The following PPM1A variants were observed in gnomAD, a reference collection of about 807,000 sequenced individuals.
PPM1A encodes protein phosphatase 1A.
In PPM1A, 7 loss-of-function variants were observed where a neutral mutation model predicts 35.0. That is an observed-to-expected ratio of 0.20 (90% CI 0.11 to 0.38). The LOEUF (loss-of-function observed/expected upper bound fraction) is 0.38. Ranked by LOEUF, PPM1A falls within the 10% of genes least tolerant of loss-of-function variation. The pLI is 1.00. For missense variants in PPM1A, 239 were observed against 467.8 expected (o/e 0.51, Z 4.51); for synonymous variants, 153 against 167.3 (o/e 0.91, Z 0.66).
chr14:60,273,917 C>G lies in PPM1A; in HGVS notation c.-20-8767C>G, dbSNP rs1349878088. On this transcript the variant is annotated intron_variant, in intron 1 of 5. Coordinates refer to ENST00000395076, the MANE Select transcript of PPM1A (RefSeq NM_021003.5). The surrounding 1 kb of genome is among the most constrained non-coding windows in gnomAD (Gnocchi z 4.3). ...CCTGGATTCAAGCAATCTTACCGCC[C>G]CAGCCTCCAAGCAGTTGGGACTACA... 6.6e-6 allele frequency among the ~76,000 whole-genome samples: 1 copy of G among 152,192 alleles called. No individual in the cohort carries two copies. Among genetic ancestry groups the G allele is most frequent in the South Asian group, 2.1e-4 (1 of 4,822 alleles).
intron 1 of PPM1A, among the ~76,000 whole-genome samples, chr14:60,261,640 G>A (rs904805404): frequency 5.3e-5 from 8 of 152,102 alleles, no homozygotes; most frequent in East Asian, 1.9e-4. Flanking sequence ...CACCATCCCC[G>A]TCAGGTCCAA....
Position 60,282,606 on chromosome 14 carries a change from C to G in PPM1A, c.-20-78C>G. 2 of 1,505,308 alleles carry G rather than the reference C, an allele frequency of 1.3e-6. No homozygotes were observed. Among genetic ancestry groups the G allele is most frequent in the East Asian group, 2.3e-5 (1 of 43,978 alleles). The allele number at this position is 1,505,308 out of a possible 1,614,324, so 93.2% of individuals were successfully genotyped here. ...GTTGTGAATTCCCGCATATCTCTTT[C>G]ACTTATTAAAAAGATTGTTTGGTAC... On this transcript the variant is annotated intron_variant, in intron 1 of 5. Coordinates refer to ENST00000395076, the MANE Select transcript of PPM1A (RefSeq NM_021003.5). This position sits in a 1 kb window ranked among gnomAD's most constrained non-coding sequence, Gnocchi z 5.1.
At position 60,249,496 on chromosome 14, in the gene PPM1A, G is replaced by A. The variant is rs1259638861; in HGVS notation, c.-202G>A. 2 of 984,970 alleles carry A rather than the reference G, an allele frequency of 2.0e-6. No individual in the cohort carries two copies. Among genetic ancestry groups the A allele is most frequent in the African/African-American group, 1.8e-5 (1 of 57,102 alleles). 61.0% of individuals were successfully genotyped at this position (984,970 alleles called of 1,614,324 possible). A position where few individuals can be genotyped will look rare whatever the true frequency, so the allele number is the denominator to read the frequency against. ...CTGAGCCGCGAGGGCGCCGACAGCC[G>A]GGGGCCCGGACGCAGCCCGGCTCCT... On this transcript the variant is annotated 5_prime_UTR_variant, in exon 1 of 6. Coordinates refer to ENST00000395076, the MANE Select transcript of PPM1A (RefSeq NM_021003.5). The surrounding 1 kb of genome is among the most constrained non-coding windows in gnomAD (Gnocchi z 4.5).
chr14:60,250,679 T>C (rs1882291148), intron 1 of PPM1A, among the ~76,000 whole-genome samples: 1 of 152,186 alleles, frequency 6.6e-6, no homozygotes, highest in Admixed American at 6.5e-5. Flanking sequence ...AGGAAATGAT[T>C]TTGACATTAT....
At position 60,289,771 on chromosome 14, in the gene PPM1A, A is replaced by C; in HGVS notation, c.953-35A>C. 7.2e-7 allele frequency: 1 copy of C among 1,393,240 alleles called. No individual in the cohort carries two copies. Among genetic ancestry groups the C allele is most frequent in the Non-Finnish European group, 1.0e-6 (1 of 989,198 alleles). The allele number at this position is 1,393,240 out of a possible 1,614,324, so 86.3% of individuals were successfully genotyped here. A position where few individuals can be genotyped will look rare whatever the true frequency, so the allele number is the denominator to read the frequency against. On this transcript the variant is annotated intron_variant, in intron 3 of 5. Coordinates refer to ENST00000395076, the MANE Select transcript of PPM1A (RefSeq NM_021003.5). The surrounding 1 kb of genome is among the most constrained non-coding windows in gnomAD (Gnocchi z 4.1). ...CGGTTTTCTTTTCAATTAAATTTGG[A>C]TAACACTTACAAAAAAAGTACTTCT...
intron 1 of PPM1A, chr14:60,250,527 A>G: frequency 2.8e-6 from 2 of 707,946 alleles, no homozygotes; most frequent in Non-Finnish European, 3.5e-6. Context: ...AAATCCACAA[A>G]AGTCATGCTT....
chr14:60,273,132 G>A lies in PPM1A; in HGVS notation c.-20-9552G>A, dbSNP rs1254991239. Among the ~76,000 whole-genome samples, 2 of 152,020 alleles carry A rather than the reference G, an allele frequency of 1.3e-5. No homozygotes were observed. The highest frequency in any genetic ancestry group is 2.9e-5 in the Non-Finnish European group (2 of 68,002). On this transcript the variant is annotated intron_variant, in intron 1 of 5. Coordinates refer to ENST00000395076, the MANE Select transcript of PPM1A (RefSeq NM_021003.5). This position sits in a 1 kb window ranked among gnomAD's most constrained non-coding sequence, Gnocchi z 4.3. ...TTATATGCATATTTACTTTTTGGGTGCACTCTCCTTGTTAATGAGTTATTT... is the reference window on the plus strand; with the variant it reads ...TTATATGCATATTTACTTTTTGGGTACACTCTCCTTGTTAATGAGTTATTT...
rs1267256178 is a variant in PPM1A, at chr14:60,276,806, C to G, written c.-20-5878C>G. ...TCACTATAATTCTGAGTGGATTAAA[C>G]CAAATGACCGGGTTCAAGACTCTAC... On this transcript the variant is annotated intron_variant, in intron 1 of 5. Coordinates refer to ENST00000395076, the MANE Select transcript of PPM1A (RefSeq NM_021003.5). 4.6e-5 allele frequency among the ~76,000 whole-genome samples: 7 copies of G among 152,230 alleles called. No individual in the cohort carries two copies. The South Asian group carries it at 6.2e-4, about 14-fold the overall frequency.
At chr14:60,284,596 C>T (rs922516352) in intron 2 of PPM1A, among the ~76,000 whole-genome samples, 8 of 148,968 alleles carry the variant, frequency 5.4e-5, no homozygotes, top group South Asian at 2.1e-4. Context: ...GAGCCGAGAT[C>T]GCGCCACTGC....
At chr14:60,285,917 A>G in intron 3 of PPM1A, 176 bp downstream of exon 3, 2 of 1,321,766 alleles carry the variant, frequency 1.5e-6, no homozygotes, top group Non-Finnish European at 1.9e-6. Context: ...TTGTCCTATC[A>G]CAGTTATATT....
At position 60,295,102 on chromosome 14, in the gene PPM1A, T is replaced by C. The variant is rs1253451924; in HGVS notation, c.*2620T>C. ...CCTCAAAAATGTTTGATGTGTTCTGTTCTTTGGAGGGAAAAAGTTCTTATG... is the reference window on the plus strand; with the variant it reads ...CCTCAAAAATGTTTGATGTGTTCTGCTCTTTGGAGGGAAAAAGTTCTTATG... On this transcript the variant is annotated 3_prime_UTR_variant, in exon 6 of 6. Transcript: ENST00000395076. The C allele has an allele frequency of 6.6e-6, 1 of 151,744 alleles. No individual in the cohort carries two copies. Among genetic ancestry groups the C allele is most frequent in the East Asian group, 1.9e-4 (1 of 5,194 alleles). The allele number at this position is 151,744 out of a possible 1,614,324, so 9.4% of individuals were successfully genotyped here.
intron 1 of PPM1A, among the ~76,000 whole-genome samples, chr14:60,253,226 T>C (rs7157442): frequency 0.48 from 73,233 of 151,958 alleles, 21,828 homozygotes; most frequent in African/African-American, 0.85. Flanking sequence ...GGATTAAAAG[T>C]GATTAGTTTC....
intron 1 of PPM1A, among the ~76,000 whole-genome samples, chr14:60,250,106 C>T (rs1882199554): frequency 6.6e-6 from 1 of 151,804 alleles, no homozygotes. Flanking sequence ...TGGGCTTCAG[C>T]CCCTGGGAGG....
intron 1 of PPM1A, among the ~76,000 whole-genome samples, chr14:60,276,501 A>G (rs1887103): frequency 0.47 from 71,613 of 151,960 alleles, 20,548 homozygotes; most frequent in African/African-American, 0.81. Flanking sequence ...CTGTTTAGCA[A>G]TGTTCTTTTG....
chr14:60,248,929 A>C (rs1279953462), upstream of PPM1A, among the ~76,000 whole-genome samples: 2 of 152,176 alleles, frequency 1.3e-5, no homozygotes, highest in East Asian at 3.9e-4. Flanking sequence ...CCTGGCTGCT[A>C]TCCGGGATCC....
In PPM1A at chr14:60,249,532, G is replaced by GC. The variant is rs1286945890; in HGVS notation, c.-162dup. 3.0e-6 allele frequency: 3 copies of GC among 984,826 alleles called. No homozygotes were observed. The African/African-American group carries it at 5.3e-5, about 17-fold the overall frequency. 61.0% of individuals were successfully genotyped at this position (984,826 alleles called of 1,614,324 possible). ...CGCAGCCCGGCTCCTCCCCTCCTCCGCCCCTTCCCCAGCCTGACCTGGCCC... is the reference window on the plus strand; with the variant it reads ...CGCAGCCCGGCTCCTCCCCTCCTCCGCCCCCTTCCCCAGCCTGACCTGGCCC... On this transcript the variant is annotated 5_prime_UTR_variant, in exon 1 of 6. Transcript: ENST00000395076. This position sits in a 1 kb window ranked among gnomAD's most constrained non-coding sequence, Gnocchi z 4.5.
Position 60,292,524 on chromosome 14 carries a change from G to T in PPM1A, c.*42G>T. Reference sequence around the variant, plus strand: ...ATGGAGTTTACCTTCACCTCCAAAGGAGAGTACAGCTCAACTTTGTTGAAA... The same window carrying T: ...ATGGAGTTTACCTTCACCTCCAAAGTAGAGTACAGCTCAACTTTGTTGAAA... On this transcript the variant is annotated 3_prime_UTR_variant, in exon 6 of 6. Transcript: ENST00000395076. The surrounding 1 kb of genome is among the most constrained non-coding windows in gnomAD (Gnocchi z 4.2). 6.5e-7 allele frequency: 1 copy of T among 1,530,872 alleles called. No individual in the cohort carries two copies. The allele number at this position is 1,530,872 out of a possible 1,614,324, so 94.8% of individuals were successfully genotyped here. A position where few individuals can be genotyped will look rare whatever the true frequency, so the allele number is the denominator to read the frequency against.
intron 3 of PPM1A, chr14:60,286,115 C>A: frequency 1.0e-6 from 1 of 987,976 alleles, no homozygotes; most frequent in Non-Finnish European, 1.2e-6. Flanking sequence ...ATTTGAATAC[C>A]ATCTTTCTAT....
intron 3 of PPM1A, chr14:60,288,275 A>G: frequency 2.1e-6 from 2 of 962,640 alleles, no homozygotes; most frequent in Non-Finnish European, 2.5e-6. Context: ...AAGATACATC[A>G]AATATAGATG....
Sources: gnomAD v4.1 joint callset for allele counts (sites outside exome capture counted in the v4.1 genomes callset) on GRCh38, gnomAD v4.1.1 for gene constraint, Gnocchi (gnomAD v3.1) non-coding constraint, MANE v1.5 for transcripts, NCBI Gene and HGNC (gene_info 2026-07-23, HGNC 2026-07-21) for gene names.